CDK14: variants seen among roughly 807,000 people sequenced by gnomAD.
CDK14 encodes cyclin dependent kinase 14, also known as cyclin-dependent kinase 14.
CDK14 carries 34 observed loss-of-function variants against 60.7 expected under a neutral mutation model. That is an observed-to-expected ratio of 0.56 (90% CI 0.43 to 0.75). The LOEUF is 0.75. Among genes scored for constraint, CDK14 ranks in the 30% least tolerant of loss-of-function variants. CDK14 has a pLI of 0.00. For synonymous variants in CDK14, 197 were observed against 203.7 expected (o/e 0.97, Z 0.28); for missense variants, 482 against 564.1 (o/e 0.85, Z 1.47).
chr7:91,174,102 G>A (rs1399710480), intron 14 of CDK14, among the ~76,000 whole-genome samples: 1 of 152,132 alleles, frequency 6.6e-6, no homozygotes, highest in Non-Finnish European at 1.5e-5. Flanking sequence ...GCATGCAGCT[G>A]GAGATCTGAG....
chr7:91,112,527 T>A lies in CDK14; in HGVS notation c.1155-15T>A, dbSNP rs546000295. The A allele has an allele frequency of 6.2e-7, 1 of 1,608,116 alleles. No homozygotes were observed. The highest frequency in any genetic ancestry group is 8.5e-7 in the Non-Finnish European group (1 of 1,175,736). Reference sequence around the variant, plus strand: ...CTTGTTTGGTCTGACCTCTCTTTTTTGCTCATGTTTTTAGGCTCAGCTATG... The same window carrying A: ...CTTGTTTGGTCTGACCTCTCTTTTTAGCTCATGTTTTTAGGCTCAGCTATG... On this transcript the variant is annotated splice_polypyrimidine_tract_variant and intron_variant, in intron 12 of 14. Coordinates refer to ENST00000380050, the MANE Select transcript of CDK14 (RefSeq NM_001287135.2).
chr7:90,722,387 G>A (rs1022522831), intron 2 of CDK14, among the ~76,000 whole-genome samples: 10 of 151,946 alleles, frequency 6.6e-5, no homozygotes, highest in Non-Finnish European at 1.5e-4. Flanking sequence ...TATTTGTTTT[G>A]TAGAGACAGG....
intron 2 of CDK14, among the ~76,000 whole-genome samples, chr7:90,670,892 A>G (rs569475081): frequency 1.3e-5 from 2 of 152,268 alleles, no homozygotes; most frequent in East Asian, 3.9e-4. Context: ...ATCTCAAAAT[A>G]CAGTCATCCC....
chr7:90,713,186 A>G (rs1159265266), intron 2 of CDK14, among the ~76,000 whole-genome samples: 1 of 152,124 alleles, frequency 6.6e-6, no homozygotes, highest in African/African-American at 2.4e-5. Context: ...TACTGCTTCC[A>G]TAAATCCAGA....
At chr7:90,920,121 G>A (rs1297510914) in intron 8 of CDK14, among the ~76,000 whole-genome samples, 1 of 152,166 alleles carries the variant, frequency 6.6e-6, no homozygotes, top group Non-Finnish European at 1.5e-5. Flanking sequence ...TACTGTGTTT[G>A]GGCATGTTTG....
At chr7:90,607,768 T>A (rs1205516613) in intron 2 of CDK14, among the ~76,000 whole-genome samples, 1 of 152,230 alleles carries the variant, frequency 6.6e-6, no homozygotes, top group Non-Finnish European at 1.5e-5. Flanking sequence ...ATTCTATGAA[T>A]GATCATTTTG....
At chr7:90,729,154 A>G (rs548957733) in intron 3 of CDK14, among the ~76,000 whole-genome samples, 37 of 151,726 alleles carry the variant, frequency 2.4e-4, no homozygotes, top group African/African-American at 8.7e-4. Context: ...TGGCGGGACT[A>G]GGAAGGGATA....
At chr7:91,096,969 A>G (rs777405536) in intron 12 of CDK14, among the ~76,000 whole-genome samples, 2 of 152,248 alleles carry the variant, frequency 1.3e-5, no homozygotes, top group African/African-American at 2.4e-5. Flanking sequence ...TCAACAGGAT[A>G]CAGCATTTAT....
chr7:91,025,034 T>C (rs1316945373), intron 10 of CDK14, among the ~76,000 whole-genome samples: 2 of 152,182 alleles, frequency 1.3e-5, no homozygotes, highest in African/African-American at 4.8e-5. Context: ...GATATAAGTC[T>C]TTTGGTGTTT....
chr7:90,604,985 GTATA>G (rs1799388044), intron 2 of CDK14, among the ~76,000 whole-genome samples: 1 of 152,182 alleles, frequency 6.6e-6, no homozygotes, highest in Admixed American at 6.5e-5. Flanking sequence ...GGCCACATGT[GTATA>G]TAGATTGTGT....
chr7:90,790,080 C>G (rs1391701878), intron 4 of CDK14, among the ~76,000 whole-genome samples: 1 of 131,132 alleles, frequency 7.6e-6, no homozygotes, highest in South Asian at 2.4e-4. Flanking sequence ...GAAAAAAAAA[C>G]AAAAAAAGGG....
At chr7:91,023,175 C>A (rs556116007) in intron 10 of CDK14, among the ~76,000 whole-genome samples, 3 of 152,132 alleles carry the variant, frequency 2.0e-5, no homozygotes, top group Non-Finnish European at 2.9e-5. Flanking sequence ...CTACCTTATT[C>A]CACAGTGGAA....
chr7:91,003,867 C>A (rs1460988845), intron 10 of CDK14, among the ~76,000 whole-genome samples: 1 of 152,148 alleles, frequency 6.6e-6, no homozygotes, highest in African/African-American at 2.4e-5. Flanking sequence ...TAAGTAAACT[C>A]CATTGCCCAG....
chr7:90,989,492 G>C (rs1795472373), intron 10 of CDK14, among the ~76,000 whole-genome samples: 1 of 151,464 alleles, frequency 6.6e-6, no homozygotes, highest in African/African-American at 2.4e-5. Flanking sequence ...GTAGCACTAG[G>C]TACAATGAAG....
At chr7:90,653,537 T>G (rs1271281354) in intron 2 of CDK14, among the ~76,000 whole-genome samples, 1 of 152,070 alleles carries the variant, frequency 6.6e-6, no homozygotes, top group East Asian at 1.9e-4. Context: ...TTCCTTGTCA[T>G]GAACACTAAC....
chr7:91,075,133 A>G (rs1452218111), intron 11 of CDK14, among the ~76,000 whole-genome samples: 1 of 152,126 alleles, frequency 6.6e-6, no homozygotes, highest in Non-Finnish European at 1.5e-5. Context: ...CCTTCCTAAC[A>G]CATTTTATGA....
intron 13 of CDK14, among the ~76,000 whole-genome samples, chr7:91,117,034 CTGACT>C (rs1212404651): frequency 1.1e-4 from 16 of 148,564 alleles, no homozygotes; most frequent in African/African-American, 4.0e-4. Context: ...CCTGTCTTCC[CTGACT>C]TGACTTGCAT....
chr7:90,865,306 T>C (rs1321378870), intron 6 of CDK14, among the ~76,000 whole-genome samples: 1 of 151,334 alleles, frequency 6.6e-6, no homozygotes, highest in African/African-American at 2.4e-5. Flanking sequence ...TGTAGATTTC[T>C]CAGCACGATT....
intron 10 of CDK14, among the ~76,000 whole-genome samples, chr7:91,039,477 G>T (rs1345857091): frequency 6.6e-6 from 1 of 152,100 alleles, no homozygotes; most frequent in Admixed American, 6.5e-5. Context: ...GAAAAACGTG[G>T]GTCCCCTCCA....
Sources: gnomAD v4.1 joint callset for allele counts (sites outside exome capture counted in the v4.1 genomes callset) on GRCh38, gnomAD v4.1.1 for gene constraint, MANE v1.5 for transcripts, NCBI Gene and HGNC (gene_info 2026-07-23, HGNC 2026-07-21) for gene names.